Variants in STAU2 observed in about 807,000 individuals in gnomAD.
The protein encoded by STAU2 is staufen double-stranded RNA binding protein 2.
In STAU2, 20 loss-of-function variants were observed where a neutral mutation model predicts 65.9. The ratio of observed to expected loss-of-function variants is 0.30; its 90% CI spans 0.21 to 0.44. STAU2 has a LOEUF of 0.44. Among genes scored for constraint, STAU2 ranks in the 20% least tolerant of loss-of-function variants. STAU2 has a pLI of 1.00. For synonymous variants in STAU2, 232 were observed against 233.9 expected (o/e 0.99, Z 0.07); for missense variants, 558 against 683.9 (o/e 0.82, Z 2.05).
chr8:73,658,637 G>A (rs576123006), intron 6 of STAU2, among the ~76,000 whole-genome samples: 6 of 152,098 alleles, frequency 3.9e-5, no homozygotes, highest in South Asian at 2.1e-4. Flanking sequence ...TACTTATGCC[G>A]GGCATGGTGG....
intron 6 of STAU2, among the ~76,000 whole-genome samples, chr8:73,649,758 C>T (rs570981158): frequency 3.3e-5 from 5 of 150,832 alleles, no homozygotes; most frequent in Admixed American, 6.6e-5. Flanking sequence ...CCAAACACAA[C>T]GCTTTAGATG....
intron 13 of STAU2, among the ~76,000 whole-genome samples, chr8:73,473,766 T>C (rs546413026): frequency 2.7e-4 from 41 of 152,174 alleles, no homozygotes; most frequent in Admixed American, 2.4e-3. Context: ...AGCTAAAAAA[T>C]AAAATTAAAA....
At chr8:73,669,672 A>C (rs1377931245) in intron 6 of STAU2, among the ~76,000 whole-genome samples, 7 of 103,688 alleles carry the variant, frequency 6.8e-5, no homozygotes, top group South Asian at 3.4e-4. Flanking sequence ...TCTCTCTCTC[A>C]ACATTCACAC....
intron 12 of STAU2, among the ~76,000 whole-genome samples, chr8:73,574,724 A>G (rs575622770): frequency 6.6e-6 from 1 of 152,286 alleles, no homozygotes; most frequent in East Asian, 1.9e-4. Context: ...ACTTGGACAC[A>G]GGGTGAGGAA....
chr8:73,592,289 T>C (rs1327585684), intron 11 of STAU2, among the ~76,000 whole-genome samples: 1 of 152,080 alleles, frequency 6.6e-6, no homozygotes, highest in African/African-American at 2.4e-5. Context: ...TTACAGATTC[T>C]GCTACTACTA....
intron 13 of STAU2, among the ~76,000 whole-genome samples, chr8:73,519,645 C>A (rs1822936523): frequency 6.6e-6 from 1 of 152,178 alleles, no homozygotes; most frequent in Admixed American, 6.5e-5. Context: ...CTAGAAAAAG[C>A]TTACTAGGCC....
chr8:73,565,544 C>G (rs576937160), intron 12 of STAU2, among the ~76,000 whole-genome samples: 1 of 152,246 alleles, frequency 6.6e-6, no homozygotes, highest in Non-Finnish European at 1.5e-5. Context: ...TAAAAGTGTT[C>G]AGTGAGCCCA....
At chr8:73,615,249 G>A (rs755836635) in intron 8 of STAU2, among the ~76,000 whole-genome samples, 2 of 150,666 alleles carry the variant, frequency 1.3e-5, no homozygotes, top group Non-Finnish European at 3.0e-5. Flanking sequence ...TTACTTCTTG[G>A]TGATTTTGTT....
At chr8:73,589,328 TGA>T (rs1469332939) in intron 11 of STAU2, among the ~76,000 whole-genome samples, 3 of 152,222 alleles carry the variant, frequency 2.0e-5, no homozygotes, top group Non-Finnish European at 4.4e-5. Context: ...TCAAAAATTA[TGA>T]GATACCCAAA....
intron 3 of STAU2, among the ~76,000 whole-genome samples, chr8:73,717,316 T>C (rs900597236): frequency 1.3e-5 from 2 of 149,244 alleles, no homozygotes; most frequent in Non-Finnish European, 3.0e-5. Context: ...TTTGTACTTT[T>C]AATGTATATC....
At position 73,651,189 on chromosome 8, in the gene STAU2, G is replaced by C. The variant is rs1815843954; in HGVS notation, c.410+21918C>G. On this transcript the variant is annotated intron_variant, in intron 6 of 14. Coordinates refer to ENST00000524300, the MANE Select transcript of STAU2 (RefSeq NM_001164380.2). ...CATCGGGCCCCGAGGAGCCCCCTCA[G>C]GCCGTCAGCATCAAGGAGGCTAGGT... 3 of 1,012,480 alleles carry C rather than the reference G, an allele frequency of 3.0e-6. No individual in the cohort carries two copies. The East Asian group carries it at 7.9e-5, about 27-fold the overall frequency. The allele number at this position is 1,012,480 out of a possible 1,614,324, so 62.7% of individuals were successfully genotyped here.
At chr8:73,548,744 A>T (rs1476482526) in intron 13 of STAU2, among the ~76,000 whole-genome samples, 1 of 152,182 alleles carries the variant, frequency 6.6e-6, no homozygotes, top group Non-Finnish European at 1.5e-5. Context: ...AGTTTGTTAC[A>T]CTATACTCGG....
At chr8:73,569,419 G>C (rs957895874) in intron 12 of STAU2, among the ~76,000 whole-genome samples, 8 of 152,132 alleles carry the variant, frequency 5.3e-5, no homozygotes, top group African/African-American at 1.9e-4. Flanking sequence ...AGAAACTTCT[G>C]CAGACTTAAA....
intron 13 of STAU2, among the ~76,000 whole-genome samples, chr8:73,547,289 T>C (rs1806999605): frequency 6.6e-6 from 1 of 152,042 alleles, no homozygotes; most frequent in African/African-American, 2.4e-5. Context: ...TTCTTACCTG[T>C]ATTACTGTTA....
chr8:73,485,730 A>G (rs1219496106), intron 13 of STAU2, among the ~76,000 whole-genome samples: 1 of 152,094 alleles, frequency 6.6e-6, no homozygotes, highest in Non-Finnish European at 1.5e-5. Context: ...GCTACTCAGG[A>G]GGCTGAGGCA....
intron 6 of STAU2, among the ~76,000 whole-genome samples, chr8:73,638,043 C>T (rs563411875): frequency 6.6e-6 from 1 of 151,952 alleles, no homozygotes; most frequent in African/African-American, 2.4e-5. Flanking sequence ...AATACTATTA[C>T]AGAATGATAC....
intron 12 of STAU2, among the ~76,000 whole-genome samples, chr8:73,568,640 CATAG>C (rs1262288320): frequency 2.6e-4 from 40 of 151,936 alleles, no homozygotes; most frequent in African/African-American, 9.4e-4. Context: ...AAAACTGGCA[CATAG>C]ATAGTTAGAT....
chr8:73,491,829 A>G (rs1196929250), intron 13 of STAU2, among the ~76,000 whole-genome samples: 1 of 151,944 alleles, frequency 6.6e-6, no homozygotes, highest in East Asian at 1.9e-4. Flanking sequence ...TAGAACTTCC[A>G]TTTTCTGACT....
chr8:73,429,179 G>C, intron 13 of STAU2, among the ~76,000 whole-genome samples: 1 of 152,236 alleles, frequency 6.6e-6, no homozygotes, highest in East Asian at 1.9e-4. Flanking sequence ...AGTGGTGACC[G>C]ATTTATCTTA....
Sources: gnomAD v4.1 joint callset for allele counts (sites outside exome capture counted in the v4.1 genomes callset) on GRCh38, gnomAD v4.1.1 for gene constraint, MANE v1.5 for transcripts, NCBI Gene and HGNC (gene_info 2026-07-23, HGNC 2026-07-21) for gene names.